The following SCN7A variants were observed in gnomAD, a reference collection of about 807,000 sequenced individuals.
SCN7A encodes the protein sodium channel protein type 7 subunit alpha.
In SCN7A, 138 loss-of-function variants were observed where a neutral mutation model predicts 155.2. That is an observed-to-expected ratio of 0.89 (90% CI 0.77 to 1.02). The LOEUF (loss-of-function observed/expected upper bound fraction) is 1.02. Among genes scored for constraint, SCN7A ranks in the 50% least tolerant of loss-of-function variants. The pLI is 0.00. For synonymous variants in SCN7A, 693 were observed against 649.0 expected (o/e 1.07, Z -1.03); for missense variants, 2,058 against 1,986.6 (o/e 1.04, Z -0.68).
intron 11 of SCN7A, among the ~76,000 whole-genome samples, chr2:166,451,743 G>A (rs190509056): frequency 1.1e-4 from 17 of 152,170 alleles, no homozygotes; most frequent in Admixed American, 1.1e-3. Flanking sequence ...CCGACTCAGA[G>A]AATCCTTTAC....
intron 2 of SCN7A, among the ~76,000 whole-genome samples, chr2:166,480,486 C>CA (rs202118124): frequency 0.12 from 17,136 of 144,616 alleles, 1,012 homozygotes; most frequent in East Asian, 0.22. Flanking sequence ...AACAAAAAAA[C>CA]AAAAAAAAAA....
At chr2:166,410,588 C>T (rs140934666) in intron 23 of SCN7A, among the ~76,000 whole-genome samples, 101 of 151,972 alleles carry the variant, frequency 6.6e-4, no homozygotes, top group Non-Finnish European at 1.3e-3. Context: ...TCTATTTTCA[C>T]ATAGGGTTGT....
intron 15 of SCN7A, among the ~76,000 whole-genome samples, chr2:166,439,593 G>C (rs529609780): frequency 1.3e-5 from 2 of 152,218 alleles, no homozygotes; most frequent in Non-Finnish European, 2.9e-5. Flanking sequence ...CTGATATTTT[G>C]AGTTATGAGT....
intron 11 of SCN7A, 61 bp downstream of exon 11, chr2:166,456,801 AAAATATAT>A (rs1286313869): frequency 3.7e-5 from 21 of 566,168 alleles, no homozygotes; most frequent in Non-Finnish European, 4.8e-5. Context: ...TTTCAAGACT[AAAATATAT>A]ATATATATAT....
At chr2:166,471,125 G>T (rs1702645999) in intron 6 of SCN7A, among the ~76,000 whole-genome samples, 1 of 151,950 alleles carries the variant, frequency 6.6e-6, no homozygotes, top group East Asian at 1.9e-4. Context: ...GAATAAAGAT[G>T]AAGAGAGGAT....
chr2:166,470,775 G>C, intron 6 of SCN7A, 69 bp from the exon 7 acceptor site: 1 of 1,378,246 alleles, frequency 7.3e-7, no homozygotes, highest in South Asian at 1.5e-5. Flanking sequence ...GGCTTTTTAT[G>C]GTTATTGAAA....
In SCN7A at chr2:166,427,882, C is replaced by A; in HGVS notation, c.2759G>T (p.Trp920Leu). The change falls in exon 18 of 26, where the codon TGG (tryptophan) becomes TTG (leucine). Residue 920 changes from tryptophan (W) to leucine (L), a missense_variant. Transcript: ENST00000643258. ...GCAGCAGGTTTTCCTGATGTTCTGC[C>A]AGATTTTTCCTTTCTTGGATGCTCC... is the stretch of plus-strand genomic sequence containing the variant. ...ISGASKKGKI[W>L]QNIRKTCCKI... The A allele has an allele frequency of 8.1e-6, 13 of 1,612,846 alleles. No homozygotes were observed. The highest frequency in any genetic ancestry group is 1.1e-5 in the South Asian group (1 of 91,030).
At chr2:166,437,165 G>A (rs1463786981) in intron 15 of SCN7A, among the ~76,000 whole-genome samples, 1 of 152,184 alleles carries the variant, frequency 6.6e-6, no homozygotes, top group Non-Finnish European at 1.5e-5. Context: ...TTGGAGTCTG[G>A]GCCCAGGGTC....
chr2:166,474,676 C>T (rs944187217), intron 3 of SCN7A, among the ~76,000 whole-genome samples: 1 of 151,392 alleles, frequency 6.6e-6, no homozygotes, highest in African/African-American at 2.4e-5. Flanking sequence ...TCACGAAGAT[C>T]CATTTAAAAA....
Position 166,448,101 on chromosome 2 carries a change from T to G in SCN7A, c.1291-393A>C, listed in dbSNP as rs371035754. Among the ~76,000 whole-genome samples the G allele has an allele frequency of 2.5e-4, 38 of 152,284 alleles. No individual in the cohort carries two copies. In the South Asian group the frequency reaches 3.5e-3, roughly 14 times the overall value. ...TTTTGTAGCCATTGGCTAACCTCTC[T>G]TCATACCCCCTCATACATACCCTTT... On this transcript the variant is annotated intron_variant, in intron 11 of 25. Transcript: ENST00000643258.
chr2:166,408,399 C>A (rs1461964823), intron 25 of SCN7A, among the ~76,000 whole-genome samples: 1 of 152,024 alleles, frequency 6.6e-6, no homozygotes, highest in Non-Finnish European at 1.5e-5. Flanking sequence ...ATTACACTCT[C>A]TTCCATCATT....
intron 12 of SCN7A, among the ~76,000 whole-genome samples, chr2:166,447,337 T>C (rs1353979195): frequency 6.6e-6 from 1 of 152,190 alleles, no homozygotes; most frequent in African/African-American, 2.4e-5. Flanking sequence ...TAATGTTATA[T>C]ACCACAATCT....
At chr2:166,487,468 C>T (rs1338372863) in intron 1 of SCN7A, among the ~76,000 whole-genome samples, 1 of 152,168 alleles carries the variant, frequency 6.6e-6, no homozygotes, top group Non-Finnish European at 1.5e-5. Context: ...CACAGCCTGC[C>T]AGCAATGCAC....
chr2:166,434,064 G>A (rs942146348), intron 15 of SCN7A, among the ~76,000 whole-genome samples: 1 of 152,068 alleles, frequency 6.6e-6, no homozygotes, highest in Non-Finnish European at 1.5e-5. Context: ...AAATAAGTAT[G>A]TGAGCATCTC....
intron 7 of SCN7A, among the ~76,000 whole-genome samples, chr2:166,467,923 T>C (rs1031796966): frequency 6.6e-6 from 1 of 151,958 alleles, no homozygotes; most frequent in Non-Finnish European, 1.5e-5. Context: ...TTCTCCTTAT[T>C]ATTCACTGTG....
Position 166,416,958 on chromosome 2 carries a change from T to C in SCN7A, c.3163A>G (p.Thr1055Ala), listed in dbSNP as rs1179880807. The C allele has an allele frequency of 1.2e-6, 2 of 1,605,180 alleles. No individual in the cohort carries two copies. Among genetic ancestry groups the C allele is most frequent in the Non-Finnish European group, 8.5e-7 (1 of 1,175,286 alleles). The change falls in exon 21 of 26, where the codon ACC (threonine) becomes GCC (alanine). Residue 1055 changes from threonine (T) to alanine (A), a missense_variant. Transcript: ENST00000643258. ...KVVVRALIKT[T>A]LPTLNVFLVC... Reference sequence around the variant, plus strand: ...AGAAACACATTCAAAGTGGGTAAGGTTGTTTTGATCAAAGCTCTCACAACC... The same window carrying C: ...AGAAACACATTCAAAGTGGGTAAGGCTGTTTTGATCAAAGCTCTCACAACC...
At chr2:166,413,329 T>C (rs6734069) in intron 21 of SCN7A, among the ~76,000 whole-genome samples, 11 of 152,182 alleles carry the variant, frequency 7.2e-5, no homozygotes, top group Admixed American at 7.2e-4. Flanking sequence ...TAACAAAATA[T>C]TTGAAGATAG....
chr2:166,408,703 G>C (rs767292888), intron 25 of SCN7A, among the ~76,000 whole-genome samples: 1 of 151,862 alleles, frequency 6.6e-6, no homozygotes, highest in Non-Finnish European at 1.5e-5. Flanking sequence ...AACTGAATGA[G>C]TGAATATTTG....
intron 23 of SCN7A, 82 bp from the exon 24 acceptor site, chr2:166,410,406 G>A: frequency 1.2e-6 from 1 of 861,638 alleles, no homozygotes; most frequent in Non-Finnish European, 1.7e-6. Context: ...TAAAGACTTG[G>A]CAATTATTGA....
Sources: allele counts gnomAD v4.1 joint callset (sites outside exome capture counted in the v4.1 genomes callset), GRCh38; gene constraint gnomAD v4.1.1; transcripts MANE v1.5; gene names NCBI Gene and HGNC (gene_info 2026-07-23, HGNC 2026-07-21).